Variants in AFG3L2 observed in about 807,000 individuals in gnomAD.
AFG3L2 encodes mitochondrial inner membrane m-AAA protease component AFG3L2.
In AFG3L2, 54 loss-of-function variants were observed where a neutral mutation model predicts 94.5. That is an observed-to-expected ratio of 0.57 (90% CI 0.46 to 0.72). The LOEUF is 0.72. AFG3L2 is among the 30% of genes least tolerant of loss of function. AFG3L2 has a pLI of 0.00. For missense variants in AFG3L2, 754 were observed against 994.9 expected, an observed-to-expected ratio of 0.76 and a Z score of 3.26; for synonymous variants, 377 against 365.5, an observed-to-expected ratio of 1.03 and a Z score of -0.36.
chr18:12,367,245 C>T, intron 4 of AFG3L2, 31 bp downstream of exon 4: 2 of 1,613,902 alleles, frequency 1.2e-6, no homozygotes, highest in Non-Finnish European at 1.7e-6. Flanking sequence ...CCATCATAAC[C>T]TCAAAATTCA....
At chr18:12,362,765 A>G (rs1908699117) in intron 6 of AFG3L2, among the ~76,000 whole-genome samples, 1 of 152,138 alleles carries the variant, frequency 6.6e-6, no homozygotes, top group South Asian at 2.1e-4. Flanking sequence ...TTTGCTACGT[A>G]TAGACAATGT....
chr18:12,367,701 G>A (rs889114634), intron 3 of AFG3L2, among the ~76,000 whole-genome samples: 1 of 152,202 alleles, frequency 6.6e-6, no homozygotes, highest in African/African-American at 2.4e-5. Context: ...AGTGTTAGGG[G>A]ACAGTGAATA....
intron 15 of AFG3L2, 26 bp downstream of exon 15, chr18:12,340,175 G>A (rs1273920486): frequency 1.3e-6 from 2 of 1,584,960 alleles, no homozygotes; most frequent in East Asian, 2.2e-5. Flanking sequence ...TACATGAGGA[G>A]GAAATGCACT....
At chr18:12,365,300 G>A (rs961634355) in intron 5 of AFG3L2, among the ~76,000 whole-genome samples, 8 of 152,158 alleles carry the variant, frequency 5.3e-5, no homozygotes, top group Admixed American at 4.6e-4. Context: ...GCCACCTCGA[G>A]GACCTGCCAT....
intron 12 of AFG3L2, 80 bp from the exon 13 acceptor site, chr18:12,348,463 A>G (rs1216551223): frequency 3.7e-6 from 4 of 1,082,662 alleles, no homozygotes; most frequent in East Asian, 2.4e-5. Context: ...AGCCAAATCC[A>G]TAGTTAATTT....
chr18:12,348,166 G>A (rs994895720), intron 13 of AFG3L2, 107 bp downstream of exon 13: 18 of 924,686 alleles, frequency 1.9e-5, no homozygotes, highest in Non-Finnish European at 2.9e-5. Context: ...CCCCAGGGCT[G>A]AGTGGATACA....
In AFG3L2 at chr18:12,377,085, C is replaced by A; in HGVS notation, c.-3G>T. 1 of 1,413,700 alleles carries A rather than the reference C, an allele frequency of 7.1e-7. No homozygotes were observed. Among genetic ancestry groups the A allele is most frequent in the Non-Finnish European group, 9.2e-7 (1 of 1,083,128 alleles). The allele number at this position is 1,413,700 out of a possible 1,614,324, so 87.6% of individuals were successfully genotyped here. On this transcript the variant is annotated 5_prime_UTR_variant, in exon 1 of 17. Coordinates refer to ENST00000269143, the MANE Select transcript of AFG3L2 (RefSeq NM_006796.3). ...AGCCGCAAACAGCGGTGCGCCATGGCCGCCGCCGTGGCCCTCTCGGCCCGG... is the reference window on the plus strand; with the variant it reads ...AGCCGCAAACAGCGGTGCGCCATGGACGCCGCCGTGGCCCTCTCGGCCCGG...
intron 13 of AFG3L2, among the ~76,000 whole-genome samples, chr18:12,345,352 C>T (rs182943158): frequency 1.4e-3 from 214 of 152,360 alleles, no homozygotes; most frequent in Middle Eastern, 0.01. Context: ...AAACTAACTG[C>T]GCCATTTGTA....
intron 16 of AFG3L2, among the ~76,000 whole-genome samples, chr18:12,334,241 A>G (rs1907673659): frequency 6.6e-6 from 1 of 152,246 alleles, no homozygotes. Flanking sequence ...AAAGTACTTC[A>G]AAACTGTCCA....
chr18:12,357,408 C>A (rs548777863), intron 8 of AFG3L2, among the ~76,000 whole-genome samples: 136 of 152,308 alleles, frequency 8.9e-4, no homozygotes, highest in African/African-American at 3.2e-3. Flanking sequence ...CATACTACCA[C>A]ACTACCATAT....
At chr18:12,375,210 G>T (rs1308601322) in intron 1 of AFG3L2, among the ~76,000 whole-genome samples, 1 of 151,210 alleles carries the variant, frequency 6.6e-6, no homozygotes, top group Non-Finnish European at 1.5e-5. Context: ...GCCTCAAGGA[G>T]TAAAAATCAT....
At chr18:12,346,417 C>T (rs1220045698) in intron 13 of AFG3L2, among the ~76,000 whole-genome samples, 3 of 152,170 alleles carry the variant, frequency 2.0e-5, no homozygotes, top group Admixed American at 6.5e-5. Context: ...TCATTCTCTA[C>T]GAGCCAGCTG....
At position 12,361,902 on chromosome 18, in the gene AFG3L2, C is replaced by T. The variant is rs150433652; in HGVS notation, c.628-1851G>A. Among the ~76,000 whole-genome samples the T allele has an allele frequency of 3.2e-3, 491 of 152,362 alleles. 1 individual carries two copies. The highest frequency in any genetic ancestry group is 0.01 in the African/African-American group (427 of 41,584). ...AATAGATTAACCACAGAGGATGGAACATTCCCCAACTCAGCCCCTGCTATC... is the reference window on the plus strand; with the variant it reads ...AATAGATTAACCACAGAGGATGGAATATTCCCCAACTCAGCCCCTGCTATC... On this transcript the variant is annotated intron_variant, in intron 6 of 16. Coordinates refer to ENST00000269143, the MANE Select transcript of AFG3L2 (RefSeq NM_006796.3).
chr18:12,343,672 G>A (rs1440873758), intron 14 of AFG3L2: 1 of 204,438 alleles, frequency 4.9e-6, no homozygotes, highest in East Asian at 1.2e-4. Flanking sequence ...GGCAGTTCCT[G>A]CTCAGATTCG....
At chr18:12,351,496 G>C (rs1035271470) in intron 10 of AFG3L2, 83 bp from the exon 11 acceptor site, 4 of 1,146,754 alleles carry the variant, frequency 3.5e-6, no homozygotes, top group Non-Finnish European at 5.2e-6. Context: ...TATGAGCACT[G>C]CAAATTCATA....
intron 1 of AFG3L2, among the ~76,000 whole-genome samples, chr18:12,373,249 T>A (rs988590710): frequency 1.3e-5 from 2 of 152,178 alleles, no homozygotes; most frequent in African/African-American, 4.8e-5. Flanking sequence ...TGATAACAGA[T>A]AAGAATGCAA....
intron 5 of AFG3L2, among the ~76,000 whole-genome samples, chr18:12,364,969 C>G (rs1908763767): frequency 6.6e-6 from 1 of 152,162 alleles, no homozygotes; most frequent in South Asian, 2.1e-4. Context: ...CACGGCCAGC[C>G]TACATAGGAT....
At chr18:12,368,191 T>A (rs2143220639) in intron 3 of AFG3L2, among the ~76,000 whole-genome samples, 1 of 144,684 alleles carries the variant, frequency 6.9e-6, no homozygotes, top group East Asian at 2.0e-4. Context: ...AAATAAAAAA[T>A]AAAAAAATAA....
Position 12,328,997 on chromosome 18 carries a change from A to G in AFG3L2, c.*568T>C. On this transcript the variant is annotated 3_prime_UTR_variant, in exon 17 of 17. Coordinates refer to ENST00000269143, the MANE Select transcript of AFG3L2 (RefSeq NM_006796.3). The stretch of plus-strand genomic sequence containing the variant: ...TTTATTTTTTATGTAAAGAAGCCAT[A>G]TTTACATAATACATTCATATTTTTA... The G allele has an allele frequency of 1.7e-6, 1 of 595,812 alleles. No homozygotes were observed. The highest frequency in any genetic ancestry group is 3.0e-6 in the Non-Finnish European group (1 of 334,940). 36.9% of individuals were successfully genotyped at this position (595,812 alleles called of 1,614,324 possible). A position where few individuals can be genotyped will look rare whatever the true frequency, so the allele number is the denominator to read the frequency against.
Sources: gnomAD v4.1 joint callset for allele counts (sites outside exome capture counted in the v4.1 genomes callset) on GRCh38, gnomAD v4.1.1 for gene constraint, MANE v1.5 for transcripts, NCBI Gene and HGNC (gene_info 2026-07-23, HGNC 2026-07-21) for gene names.